The following SPTBN1 variants were observed in gnomAD, a reference collection of about 807,000 sequenced individuals.
SPTBN1 encodes spectrin beta chain, non-erythrocytic 1.
A neutral mutation model predicts 266.4 loss-of-function variants in SPTBN1; 32 were observed. That is an observed-to-expected ratio of 0.12 (90% CI 0.09 to 0.16). The LOEUF (loss-of-function observed/expected upper bound fraction) is 0.16, where lower values mean the gene tolerates loss of function less well. SPTBN1 is among the 10% of genes least tolerant of loss of function. SPTBN1 has a pLI of 1.00. For missense variants in SPTBN1, 2,296 were observed against 3,067.1 expected (o/e 0.75, Z 5.94); for synonymous variants, 1,336 against 1,162.2 (o/e 1.15, Z -3.04).
intron 17 of SPTBN1, among the ~76,000 whole-genome samples, chr2:54,636,282 G>A (rs1314731595): frequency 3.3e-5 from 5 of 151,968 alleles, no homozygotes; most frequent in South Asian, 2.1e-4. Context: ...AATTAAAAAG[G>A]CATTATTTGT....
chr2:54,487,724 C>T (rs1047953984), intron 1 of SPTBN1, among the ~76,000 whole-genome samples: 4 of 150,996 alleles, frequency 2.6e-5, no homozygotes, highest in African/African-American at 9.8e-5. Flanking sequence ...TAGGATGTCG[C>T]AGTATCTTTT....
At position 54,653,953 on chromosome 2, in the gene SPTBN1, G is replaced by A. The variant is rs1257085535; in HGVS notation, c.5822+100G>A. ...AGGAGCCTTGAAAGCGTTCCTGCCTGAGCGCTTCAAGGCCAGAGTGGGGGT... is the reference window on the plus strand; with the variant it reads ...AGGAGCCTTGAAAGCGTTCCTGCCTAAGCGCTTCAAGGCCAGAGTGGGGGT... On this transcript the variant is annotated intron_variant, in intron 27 of 35. Coordinates refer to ENST00000356805, the MANE Select transcript of SPTBN1 (RefSeq NM_003128.3). This position sits in a 1 kb window ranked among gnomAD's most constrained non-coding sequence, Gnocchi z 5.1. 2.0e-6 allele frequency: 3 copies of A among 1,521,628 alleles called. No individual in the cohort carries two copies. Among genetic ancestry groups the A allele is most frequent in the Non-Finnish European group, 2.6e-6 (3 of 1,137,984 alleles). 94.3% of individuals were successfully genotyped at this position (1,521,628 alleles called of 1,614,324 possible). A position where few individuals can be genotyped will look rare whatever the true frequency, so the allele number is the denominator to read the frequency against.
rs376651719 is a variant in SPTBN1, at chr2:54,653,719, C to A, written c.5688C>A (p.Leu1896=). ...AGGTCCTGGAAGCCTGGAAGTCCCT[C>A]CTGGACGCCTGTGAGAGCCGCAGGG... ...ENEVLEAWKS[L]LDACESRRVR... The change falls in exon 27 of 36, where the codon CTC becomes CTA. Residue 1896 remains leucine, a synonymous_variant. Coordinates refer to ENST00000356805, the MANE Select transcript of SPTBN1 (RefSeq NM_003128.3). The surrounding 1 kb of genome is among the most constrained non-coding windows in gnomAD (Gnocchi z 5.1). 6.2e-7 allele frequency: 1 copy of A among 1,614,234 alleles called. No homozygotes were observed. Among genetic ancestry groups the A allele is most frequent in the Non-Finnish European group, 8.5e-7 (1 of 1,180,030 alleles).
intron 18 of SPTBN1, among the ~76,000 whole-genome samples, chr2:54,640,626 A>G (rs541042470): frequency 1.3e-5 from 2 of 150,214 alleles, no homozygotes; most frequent in Non-Finnish European, 1.5e-5. Context: ...ATCTCAGCTC[A>G]CTACAGCCCC....
chr2:54,537,641 C>T (rs1385389748), intron 2 of SPTBN1, among the ~76,000 whole-genome samples: 1 of 152,164 alleles, frequency 6.6e-6, no homozygotes, highest in African/African-American at 2.4e-5. Context: ...GCTAAATAGC[C>T]AATCTGAAGA....
At chr2:54,564,324 G>C (rs1469962931) in intron 2 of SPTBN1, among the ~76,000 whole-genome samples, 1 of 152,176 alleles carries the variant, frequency 6.6e-6, no homozygotes, top group African/African-American at 2.4e-5. Context: ...TGGCTGCTGA[G>C]AAAGCTTTCT....
rs181708008 is a variant in SPTBN1 at position 54,628,215 on chromosome 2, A to G, written c.1763A>G (p.Asn588Ser). The G allele has an allele frequency of 1.1e-5, 18 of 1,613,944 alleles. No individual in the cohort carries two copies. The highest frequency in any genetic ancestry group is 9.3e-5 in the African/African-American group (7 of 75,034). Residue 588 changes from asparagine to serine, a missense_variant, in exon 13 of 36, where the codon AAT (asparagine) becomes AGT (serine). By Grantham distance (46) the Asn-to-Ser change is conservative (BLOSUM62 1). Around this residue, in one of 12 missense-constraint regions of SPTBN1, gnomAD observed 434 missense variants for 573.9 expected, o/e 0.76. Transcript: ENST00000356805. This position sits in a 1 kb window ranked among gnomAD's most constrained non-coding sequence, Gnocchi z 4.3. ...GIQAERVRGV[N>S]ASAQKFATDG... ...CAGGCAGAGCGGGTGAGAGGTGTCAATGCCTCCGCCCAGAAGTTCGCAACA... is the reference window on the plus strand; with the variant it reads ...CAGGCAGAGCGGGTGAGAGGTGTCAGTGCCTCCGCCCAGAAGTTCGCAACA...
At chr2:54,643,253 C>A in intron 19 of SPTBN1, 124 bp downstream of exon 19, 1 of 1,363,530 alleles carries the variant, frequency 7.3e-7, no homozygotes, top group Non-Finnish European at 9.9e-7. Flanking sequence ...AGTTACACAG[C>A]CAGTAATAGC....
intron 14 of SPTBN1, 28 bp downstream of exon 14, chr2:54,629,831 C>G: frequency 1.2e-6 from 2 of 1,611,938 alleles, no homozygotes; most frequent in Non-Finnish European, 1.7e-6. Context: ...CAGCCACTGG[C>G]CTGTTCCTTG....
chr2:54,527,105 G>C (rs1670861961), intron 2 of SPTBN1: 1 of 152,396 alleles, frequency 6.6e-6, no homozygotes, highest in East Asian at 1.9e-4. Context: ...TCATTCCCTT[G>C]TTGCTGGTGA....
chr2:54,511,970 G>A (rs1485557666), intron 1 of SPTBN1, among the ~76,000 whole-genome samples: 1 of 152,180 alleles, frequency 6.6e-6, no homozygotes, highest in South Asian at 2.1e-4. Flanking sequence ...ATCGGCAGGG[G>A]TGATAGAAGA....
chr2:54,470,834 G>T (rs1479719027), intron 1 of SPTBN1, among the ~76,000 whole-genome samples: 1 of 152,130 alleles, frequency 6.6e-6, no homozygotes, highest in Non-Finnish European at 1.5e-5. Context: ...TTTTCGCAGA[G>T]TTAATGGGGC....
At chr2:54,577,698 G>T (rs1674586006) in intron 2 of SPTBN1, among the ~76,000 whole-genome samples, 1 of 152,204 alleles carries the variant, frequency 6.6e-6, no homozygotes, top group South Asian at 2.1e-4. Context: ...AGGAAGCTGT[G>T]CCCAAGGACA....
chr2:54,573,476 C>T (rs1042874306), intron 2 of SPTBN1, among the ~76,000 whole-genome samples: 1 of 152,206 alleles, frequency 6.6e-6, no homozygotes, highest in Non-Finnish European at 1.5e-5. Context: ...CACCACTCAC[C>T]TCCTGCTGTG....
At chr2:54,526,276 A>G (rs1280311966) in intron 1 of SPTBN1, 96 bp from the exon 2 acceptor site, 1 of 973,244 alleles carries the variant, frequency 1.0e-6, no homozygotes, top group Admixed American at 2.9e-5. Context: ...CTTGGCAAGC[A>G]CTGTTTTTAT....
At chr2:54,535,234 T>C (rs565871380) in intron 2 of SPTBN1, 1 of 152,368 alleles carries the variant, frequency 6.6e-6, no homozygotes, top group East Asian at 1.9e-4. Context: ...CACACACATA[T>C]CAGCTTTATT....
intron 1 of SPTBN1, among the ~76,000 whole-genome samples, chr2:54,506,049 G>T (rs549283798): frequency 6.6e-6 from 1 of 152,158 alleles, no homozygotes; most frequent in Admixed American, 6.5e-5. Flanking sequence ...GCGTCAACCC[G>T]GGAGGTGGAG....
rs1679959822 is a variant in SPTBN1, at chr2:54,646,891, C to T, written c.4867-240C>T. Among the ~76,000 whole-genome samples the T allele has an allele frequency of 6.6e-6, 1 of 152,214 alleles. No homozygotes were observed. The highest frequency in any genetic ancestry group is 2.4e-5 in the African/African-American group (1 of 41,444). ...ACACTTGGTCTGCCCAAGCTTTTCT[C>T]TGAGAGGGGCCCTGCTCATTCTGCG... On this transcript the variant is annotated intron_variant, in intron 23 of 35. Coordinates refer to ENST00000356805, the MANE Select transcript of SPTBN1 (RefSeq NM_003128.3). This position sits in a 1 kb window ranked among gnomAD's most constrained non-coding sequence, Gnocchi z 4.4.
chr2:54,649,119 G>A lies in SPTBN1; in HGVS notation c.5131G>A (p.Glu1711Lys), dbSNP rs781709393. ...GCTCAACCGGGAGGTGGACGACCTG[G>A]AGCAGTGGATCGCTGAGAGGGAGGT... is the stretch of plus-strand genomic sequence containing the variant. ...FQLNREVDDL[E>K]QWIAEREVVA... The change falls in exon 25 of 36, where the codon GAG (glutamate) becomes AAG (lysine). Residue 1711 changes from glutamate to lysine, a missense_variant. Transcript: ENST00000356805. This position sits in a 1 kb window ranked among gnomAD's most constrained non-coding sequence, Gnocchi z 6.7. 6.2e-7 allele frequency: 1 copy of A among 1,613,778 alleles called. No homozygotes were observed. Among genetic ancestry groups the A allele is most frequent in the African/African-American group, 1.3e-5 (1 of 74,934 alleles).
Sources: gnomAD v4.1 joint callset for allele counts (sites outside exome capture counted in the v4.1 genomes callset) on GRCh38, gnomAD v4.1.1 for gene constraint, gnomAD v4.1.1 regional missense constraint, Gnocchi (gnomAD v3.1) non-coding constraint, MANE v1.5 for transcripts, NCBI Gene and HGNC (gene_info 2026-07-23, HGNC 2026-07-21) for gene names.